The following ENTREP2 variants were observed in gnomAD, a reference collection of about 807,000 sequenced individuals.
ENTREP2 encodes the protein protein ENTREP2.
At chr15:29,531,313 T>C in the ENTREP2 span, among the ~76,000 whole-genome samples, 1 of 152,214 alleles carries the variant, frequency 6.6e-6, no homozygotes, top group Non-Finnish European at 1.5e-5. Context: ...CAGGGCTCTT[T>C]GCAGACACGC....
chr15:29,361,364 ACTTGT>A, the ENTREP2 span, among the ~76,000 whole-genome samples: 6 of 152,342 alleles, frequency 3.9e-5, no homozygotes, highest in South Asian at 1.2e-3. Flanking sequence ...AGCTGTGAAT[ACTTGT>A]CTTGGGCCAA....
At chr15:29,534,325 T>C in the ENTREP2 span, among the ~76,000 whole-genome samples, 15 of 152,182 alleles carry the variant, frequency 9.9e-5, no homozygotes, top group Non-Finnish European at 1.9e-4. Context: ...GATTTAGACT[T>C]TATAAATGTG....
chr15:29,330,587 G>A, the ENTREP2 span, among the ~76,000 whole-genome samples: 5 of 152,118 alleles, frequency 3.3e-5, no homozygotes, highest in East Asian at 1.9e-4. Context: ...CAACACTGTC[G>A]AGGTCATACG....
the ENTREP2 span, among the ~76,000 whole-genome samples, chr15:29,273,478 GT>G: frequency 6.6e-6 from 1 of 152,164 alleles, no homozygotes; most frequent in Non-Finnish European, 1.5e-5. Context: ...GATTACAGGT[GT>G]GAGCCACCGC....
chr15:29,392,269 GT>G, the ENTREP2 span, among the ~76,000 whole-genome samples: 1 of 152,112 alleles, frequency 6.6e-6, no homozygotes, highest in Non-Finnish European at 1.5e-5. Context: ...GCCTGTAATA[GT>G]TTTATTTCAT....
chr15:29,240,592 C>T, the ENTREP2 span, among the ~76,000 whole-genome samples: 1 of 152,068 alleles, frequency 6.6e-6, no homozygotes, highest in South Asian at 2.1e-4. Flanking sequence ...CAAAAAGGCC[C>T]AGGCTAGATG....
At chr15:29,444,747 G>A in the ENTREP2 span, among the ~76,000 whole-genome samples, 9,285 of 152,174 alleles carry the variant, frequency 0.061, 985 homozygotes, top group African/African-American at 0.21. Flanking sequence ...TTACAGGTGT[G>A]AGCCATCACA....
chr15:29,251,742 G>GA, the ENTREP2 span, among the ~76,000 whole-genome samples: 1 of 80,892 alleles, frequency 1.2e-5, no homozygotes, highest in African/African-American at 4.3e-5. Flanking sequence ...TTTTTTTTGT[G>GA]ACTTTTTTTT....
At chr15:29,126,188 C>G in the ENTREP2 span, 5 of 1,199,094 alleles carry the variant, frequency 4.2e-6, no homozygotes, top group Non-Finnish European at 5.7e-6. Context: ...GGCCTCCACT[C>G]TCAGGGGTCA....
chr15:29,331,071 G>T, the ENTREP2 span, among the ~76,000 whole-genome samples: 1 of 152,176 alleles, frequency 6.6e-6, no homozygotes, highest in Non-Finnish European at 1.5e-5. Flanking sequence ...CACTGCCAGG[G>T]ATTCAATCCC....
chr15:29,529,248 T>TGGGGGCGTGGAGGG, the ENTREP2 span, among the ~76,000 whole-genome samples: 843 of 122,630 alleles, frequency 6.9e-3, no homozygotes, highest in Non-Finnish European at 8.3e-3. Context: ...TGTGGAGGGG[T>TGGGGGCGTGGAGGG]GTGTGAGGGT....
the ENTREP2 span, among the ~76,000 whole-genome samples, chr15:29,200,432 T>C: frequency 6.6e-6 from 1 of 152,156 alleles, no homozygotes; most frequent in Non-Finnish European, 1.5e-5. Context: ...CACCTCAGAC[T>C]TCCAAAGTGC....
At chr15:29,284,353 T>A in the ENTREP2 span, among the ~76,000 whole-genome samples, 1 of 151,570 alleles carries the variant, frequency 6.6e-6, no homozygotes. Flanking sequence ...AGGTCAGGAG[T>A]TCCAGACCAG....
chr15:29,515,504 T>C, the ENTREP2 span, among the ~76,000 whole-genome samples: 1 of 152,172 alleles, frequency 6.6e-6, no homozygotes, highest in Non-Finnish European at 1.5e-5. Flanking sequence ...ACACCAGCTA[T>C]CTGGGCATCT....
the ENTREP2 span, chr15:29,452,440 T>A: frequency 6.6e-6 from 1 of 152,254 alleles, no homozygotes; most frequent in Non-Finnish European, 1.5e-5. Flanking sequence ...TGGTATGGAA[T>A]GGGGCTCAAC....
the ENTREP2 span, among the ~76,000 whole-genome samples, chr15:29,339,184 C>T: frequency 6.6e-6 from 1 of 152,264 alleles, no homozygotes; most frequent in East Asian, 1.9e-4. Context: ...CCCCTGGCAG[C>T]TGCCCAGCGG....
At chr15:29,600,856 C>T in the ENTREP2 span, among the ~76,000 whole-genome samples, 7 of 150,672 alleles carry the variant, frequency 4.6e-5, no homozygotes, top group South Asian at 2.1e-4. Flanking sequence ...TCTGAAACCA[C>T]GCAAAGAAAT....
the ENTREP2 span, among the ~76,000 whole-genome samples, chr15:29,361,198 A>AC: frequency 8.5e-5 from 13 of 152,206 alleles, no homozygotes; most frequent in Non-Finnish European, 1.6e-4. Flanking sequence ...GTCTTCTCCT[A>AC]CTTCAACCTT....
chr15:29,673,599 A>G, the ENTREP2 span, among the ~76,000 whole-genome samples: 16 of 152,248 alleles, frequency 1.1e-4, no homozygotes, highest in African/African-American at 3.9e-4. Context: ...GCAATTTGGG[A>G]TGGCTCAGAA....
Sources: allele counts gnomAD v4.1 joint callset (sites outside exome capture counted in the v4.1 genomes callset), GRCh38; gene constraint gnomAD v4.1.1; transcripts MANE v1.5; gene names NCBI Gene and HGNC (gene_info 2026-07-23, HGNC 2026-07-21).